The following PTP4A1 variants were observed in gnomAD, a reference collection of about 807,000 sequenced individuals.
PTP4A1 encodes protein tyrosine phosphatase 4A1, also known as protein tyrosine phosphatase type IVA 1.
Under a neutral mutation model 20.5 loss-of-function variants are expected in PTP4A1, and 9 were observed. That is an observed-to-expected ratio of 0.44 (90% CI 0.26 to 0.77). The LOEUF is 0.77. Ranked by LOEUF, PTP4A1 falls within the 30% of genes least tolerant of loss-of-function variation. The pLI, the probability that PTP4A1 is intolerant of heterozygous loss-of-function variation, is 0.19. For synonymous variants in PTP4A1, 78 were observed against 67.4 expected (o/e 1.16, Z -0.77); for missense variants, 137 against 218.8 (o/e 0.63, Z 2.36).
chr6:63,575,832 T>A (rs1777821768), intron 1 of PTP4A1, among the ~76,000 whole-genome samples: 1 of 152,086 alleles, frequency 6.6e-6, no homozygotes, highest in South Asian at 2.1e-4. Context: ...TTGTTAAGGA[T>A]AAAGTGAGAT....
chr6:63,577,330 A>C (rs1777934580), intron 2 of PTP4A1, among the ~76,000 whole-genome samples: 1 of 152,174 alleles, frequency 6.6e-6, no homozygotes. Context: ...GCCATAAACC[A>C]GTTGGTTTTT....
chr6:63,536,857 T>C (rs1485909131), intron 2 of PTP4A1, among the ~76,000 whole-genome samples: 1 of 152,128 alleles, frequency 6.6e-6, no homozygotes, highest in Non-Finnish European at 1.5e-5. Flanking sequence ...CATAGTCTTT[T>C]TGTAACATAA....
chr6:63,525,668 G>C (rs562868097), intron 1 of PTP4A1, among the ~76,000 whole-genome samples: 1 of 152,260 alleles, frequency 6.6e-6, no homozygotes, highest in East Asian at 1.9e-4. Context: ...CCTTCTCCAA[G>C]CTTGTAGTTT....
At chr6:63,570,653 A>G (rs917734288), upstream of PTP4A1, among the ~76,000 whole-genome samples, 2 of 152,236 alleles carry the variant, frequency 1.3e-5, no homozygotes, top group Non-Finnish European at 2.9e-5. Context: ...TTGTCCCACC[A>G]AATGTATTTT....
At chr6:63,541,717 TC>T (rs1775981961) in intron 2 of PTP4A1, among the ~76,000 whole-genome samples, 1 of 152,148 alleles carries the variant, frequency 6.6e-6, no homozygotes, top group Admixed American at 6.5e-5. Flanking sequence ...ACTGTCTCCA[TC>T]CAACTCCATT....
upstream of PTP4A1, among the ~76,000 whole-genome samples, chr6:63,520,371 A>T (rs190081708): frequency 1.3e-5 from 2 of 152,334 alleles, no homozygotes; most frequent in Non-Finnish European, 2.9e-5. Context: ...TCATGCCTGT[A>T]ATCCCAGCAC....
At chr6:63,537,629 C>G (rs1487318462) in intron 2 of PTP4A1, among the ~76,000 whole-genome samples, 1 of 152,210 alleles carries the variant, frequency 6.6e-6, no homozygotes, top group African/African-American at 2.4e-5. Context: ...CTTCTTTTTA[C>G]AATGAAAGTT....
chr6:63,569,337 C>T (rs1777320862), upstream of PTP4A1, among the ~76,000 whole-genome samples: 1 of 152,224 alleles, frequency 6.6e-6, no homozygotes, highest in Admixed American at 6.5e-5. Context: ...CTCACTGCAG[C>T]CTCTGCCTCC....
intron 2 of PTP4A1, chr6:63,550,209 A>C (rs912424390): frequency 2.0e-5 from 3 of 152,194 alleles, no homozygotes; most frequent in Admixed American, 1.3e-4. Context: ...GATTCAAAAC[A>C]AAATGCTTCA....
intron 2 of PTP4A1, among the ~76,000 whole-genome samples, chr6:63,543,209 G>C (rs977600001): frequency 6.6e-6 from 1 of 152,166 alleles, no homozygotes; most frequent in Non-Finnish European, 1.5e-5. Flanking sequence ...ACTTGTCCCT[G>C]TTTTAAAACT....
At chr6:63,544,245 A>T (rs974211646) in intron 2 of PTP4A1, among the ~76,000 whole-genome samples, 1 of 152,208 alleles carries the variant, frequency 6.6e-6, no homozygotes, top group Non-Finnish European at 1.5e-5. Flanking sequence ...AGAAAAATAT[A>T]AAGAATTCCT....
At chr6:63,524,098 T>C (rs941368656) in intron 1 of PTP4A1, among the ~76,000 whole-genome samples, 5 of 152,046 alleles carry the variant, frequency 3.3e-5, no homozygotes, top group Non-Finnish European at 5.9e-5. Flanking sequence ...TCTCCCCATG[T>C]CTCAGCTTTC....
chr6:63,517,391 C>T (rs1774766635), upstream of PTP4A1, among the ~76,000 whole-genome samples: 1 of 152,078 alleles, frequency 6.6e-6, no homozygotes, highest in Admixed American at 6.6e-5. Context: ...TTTTCTTACA[C>T]CAAGTGTTGC....
chr6:63,523,854 T>C (rs758137171), intron 1 of PTP4A1, among the ~76,000 whole-genome samples: 2 of 152,208 alleles, frequency 1.3e-5, no homozygotes, highest in African/African-American at 2.4e-5. Flanking sequence ...TATAGCACTC[T>C]GTGTCTGAAT....
At chr6:63,542,720 T>G (rs1403289882) in intron 2 of PTP4A1, among the ~76,000 whole-genome samples, 1 of 152,200 alleles carries the variant, frequency 6.6e-6, no homozygotes, top group Non-Finnish European at 1.5e-5. Flanking sequence ...ACTGCTTTTT[T>G]GAAATCTCCT....
At chr6:63,573,710 T>C (rs1581946637) in intron 1 of PTP4A1, 1 of 152,222 alleles carries the variant, frequency 6.6e-6, no homozygotes, top group African/African-American at 2.4e-5. Flanking sequence ...CTCGTGATAA[T>C]GGGAACAAGT....
upstream of PTP4A1, chr6:63,572,316 T>C (rs934895895): frequency 4.9e-5 from 11 of 225,552 alleles, no homozygotes; most frequent in Non-Finnish European, 9.5e-5. Context: ...TAGCCATTCA[T>C]CAACCGGTTC....
intron 3 of PTP4A1, among the ~76,000 whole-genome samples, chr6:63,553,083 G>T (rs940510781): frequency 6.6e-6 from 1 of 152,188 alleles, no homozygotes; most frequent in African/African-American, 2.4e-5. Context: ...CAGTTGCAAA[G>T]TAGTAGAGAG....
At chr6:63,523,581 C>A (rs1328171804) in intron 1 of PTP4A1, among the ~76,000 whole-genome samples, 1 of 152,146 alleles carries the variant, frequency 6.6e-6, no homozygotes, top group African/African-American at 2.4e-5. Context: ...AAAAATAAAA[C>A]CAGTTCCATG....
Sources: gnomAD v4.1 joint callset for allele counts (sites outside exome capture counted in the v4.1 genomes callset) on GRCh38, gnomAD v4.1.1 for gene constraint, MANE v1.5 for transcripts, NCBI Gene and HGNC (gene_info 2026-07-23, HGNC 2026-07-21) for gene names.